ERCC6: variants seen among roughly 807,000 people sequenced by gnomAD.
ERCC6 encodes the protein ERCC excision repair 6, chromatin remodeling factor.
ERCC6 carries 116 observed loss-of-function variants against 158.7 expected under a neutral mutation model. That is an observed-to-expected ratio of 0.73 (90% CI 0.63 to 0.85). The LOEUF is 0.85. Ranked by LOEUF, ERCC6 falls within the 40% of genes least tolerant of loss-of-function variation. The probability of loss-of-function intolerance (pLI) is 0.00; values close to 1 mark genes in which losing one functional copy is unlikely to be tolerated. For synonymous variants in ERCC6, 678 were observed against 659.3 expected (o/e 1.03, Z -0.43); for missense variants, 1,698 against 1,799.4 (o/e 0.94, Z 1.02).
intron 1 of ERCC6, among the ~76,000 whole-genome samples, chr10:49,534,165 A>AAAAAAG (rs1321344953): frequency 7.2e-6 from 1 of 139,162 alleles, no homozygotes; most frequent in African/African-American, 2.6e-5. Flanking sequence ...CAAAAAAAAA[A>AAAAAAG]CTCCATTTTA....
Position 49,459,033 on chromosome 10 carries a change from T to C in ERCC6, c.4264A>G (p.Thr1422Ala), listed in dbSNP as rs1196481462. The C allele has an allele frequency of 1.9e-6, 3 of 1,614,084 alleles. No individual in the cohort carries two copies. Among genetic ancestry groups the C allele is most frequent in the East Asian group, 2.2e-5 (1 of 44,888 alleles). ...LQEASALLPT[T>A]EHDDLLVEMR... ...TCCACCAGAAGGTCATCGTGTTCTGTGGTGGGCAGCAGGGCAGAAGCTTCC... is the reference window on the plus strand; with the variant it reads ...TCCACCAGAAGGTCATCGTGTTCTGCGGTGGGCAGCAGGGCAGAAGCTTCC... The change falls in exon 21 of 21, where the codon ACA becomes GCA. Residue 1422 changes from threonine to alanine, a missense_variant. Thr to Ala is a moderately conservative substitution (Grantham distance 58). Transcript: ENST00000355832.
chr10:49,464,124 G>A (rs1380573519), intron 18 of ERCC6, among the ~76,000 whole-genome samples: 2 of 152,202 alleles, frequency 1.3e-5, no homozygotes, highest in African/African-American at 4.8e-5. Flanking sequence ...GAATAGCTTT[G>A]ACAAAAATGT....
chr10:49,465,112 T>C (rs1181905330), intron 18 of ERCC6, among the ~76,000 whole-genome samples: 2 of 152,184 alleles, frequency 1.3e-5, no homozygotes. Flanking sequence ...AGGGGGGCTA[T>C]ACCCTGCAAA....
At chr10:49,499,637 T>C (rs1851323617) in intron 7 of ERCC6, among the ~76,000 whole-genome samples, 1 of 152,198 alleles carries the variant, frequency 6.6e-6, no homozygotes, top group Non-Finnish European at 1.5e-5. Flanking sequence ...CTTATCTGGG[T>C]TCAGTATGAT....
At chr10:49,487,726 ATGCT>A (rs2132557673) in intron 8 of ERCC6, among the ~76,000 whole-genome samples, 1 of 152,326 alleles carries the variant, frequency 6.6e-6, no homozygotes, top group Admixed American at 6.5e-5. Context: ...TTAGTTTCTT[ATGCT>A]TGCTTAAGGA....
chr10:49,533,358 T>C (rs4253010), intron 1 of ERCC6, among the ~76,000 whole-genome samples: 2,246 of 152,280 alleles, frequency 0.015, 49 homozygotes, highest in African/African-American at 0.05. Context: ...ATTTATAATA[T>C]AGTGGCAAGA....
intron 10 of ERCC6, 128 bp from the exon 11 acceptor site, chr10:49,478,598 G>C: frequency 1.4e-6 from 1 of 727,916 alleles, no homozygotes; most frequent in South Asian, 1.5e-5. Flanking sequence ...AAGTCAGTGG[G>C]AAATGATTGC....
At chr10:49,516,721 G>C in intron 5 of ERCC6, 1 of 1,614,116 alleles carries the variant, frequency 6.2e-7, no homozygotes, top group Non-Finnish European at 8.5e-7. Flanking sequence ...AAATCGTTTG[G>C]TGGTGCTGTA....
At chr10:49,513,604 G>A (rs1836863401) in intron 5 of ERCC6, among the ~76,000 whole-genome samples, 1 of 152,180 alleles carries the variant, frequency 6.6e-6, no homozygotes, top group African/African-American at 2.4e-5. Flanking sequence ...ATGGTGGAAG[G>A]TGAAGGGCAC....
At chr10:49,462,154 G>A (rs1054731337) in intron 18 of ERCC6, among the ~76,000 whole-genome samples, 1 of 152,182 alleles carries the variant, frequency 6.6e-6, no homozygotes. Flanking sequence ...AATTACAACA[G>A]TTTGGTGCTG....
At chr10:49,495,004 T>C (rs548639328) in intron 7 of ERCC6, among the ~76,000 whole-genome samples, 38 of 152,330 alleles carry the variant, frequency 2.5e-4, no homozygotes, top group African/African-American at 8.7e-4. Flanking sequence ...TGCAGTCAAA[T>C]ATCCTGATAC....
In ERCC6 at chr10:49,456,884, C is replaced by T. The variant is rs1023099531; in HGVS notation, c.*1931G>A. 21 of 152,046 alleles carry T rather than the reference C, an allele frequency of 1.4e-4. No individual in the cohort carries two copies. Among genetic ancestry groups the T allele is most frequent in the African/African-American group, 5.1e-4 (21 of 41,382 alleles). 9.4% of individuals were successfully genotyped at this position (152,046 alleles called of 1,614,324 possible). A position where few individuals can be genotyped will look rare whatever the true frequency, so the allele number is the denominator to read the frequency against. ...ATCTCCACACTGAGACACCACCTTC[C>T]CAAGATCATGGTACATCAGCAGCAG... On this transcript the variant is annotated 3_prime_UTR_variant, in exon 21 of 21. Transcript: ENST00000355832.
intron 5 of ERCC6, among the ~76,000 whole-genome samples, chr10:49,514,377 C>T (rs1323634769): frequency 6.6e-6 from 1 of 152,128 alleles, no homozygotes; most frequent in Admixed American, 6.6e-5. Flanking sequence ...ACACAACTGC[C>T]CATACCAACA....
intron 5 of ERCC6, among the ~76,000 whole-genome samples, chr10:49,511,574 G>A (rs566488231): frequency 1.8e-4 from 28 of 152,132 alleles, no homozygotes; most frequent in Admixed American, 9.2e-4. Context: ...ACAGGCATGC[G>A]CCACCATGTC....
downstream of ERCC6, among the ~76,000 whole-genome samples, chr10:49,452,481 T>C (rs1045349469): frequency 1.3e-5 from 2 of 152,146 alleles, no homozygotes; most frequent in Non-Finnish European, 2.9e-5. Context: ...TTTAAACGTA[T>C]TGAAGTTTCA....
At position 49,458,412 on chromosome 10, in the gene ERCC6, C is replaced by A; in HGVS notation, c.*403G>T. 5.3e-6 allele frequency: 1 copy of A among 187,162 alleles called. No individual in the cohort carries two copies. Among genetic ancestry groups the A allele is most frequent in the South Asian group, 1.1e-4 (1 of 9,374 alleles). The allele number at this position is 187,162 out of a possible 1,614,324, so 11.6% of individuals were successfully genotyped here. A position where few individuals can be genotyped will look rare whatever the true frequency, so the allele number is the denominator to read the frequency against. On this transcript the variant is annotated 3_prime_UTR_variant, in exon 21 of 21. Transcript: ENST00000355832. ...ATCAGATATTGATGAACTTATTGAA[C>A]AGGTCTGACTGAATGTAAGACCTGT...
rs1590405480 is a variant in ERCC6 at position 49,470,390 on chromosome 10, C to T, written c.3570G>A (p.Val1190=). The change falls in exon 18 of 21, where the codon GTG becomes GTA. Residue 1190 remains valine, a synonymous_variant. Coordinates refer to ENST00000355832, the MANE Select transcript of ERCC6 (RefSeq NM_000124.4). The stretch of plus-strand genomic sequence containing the variant: ...GTTTCTCCAGGGTCTCTTCTTCTGC[C>T]ACACTATGATGTTTTGTTTTTGACT... ...KHKSKTKHHS[V]AEEETLEKHL... The T allele has an allele frequency of 1.2e-6, 2 of 1,614,146 alleles. No individual in the cohort carries two copies. The highest frequency in any genetic ancestry group is 1.7e-6 in the Non-Finnish European group (2 of 1,180,028).
chr10:49,515,686 T>C, intron 5 of ERCC6: 3 of 1,614,156 alleles, frequency 1.9e-6, no homozygotes, highest in African/African-American at 1.3e-5. Flanking sequence ...TTTCCACGGA[T>C]TGATGCCCGA....
intron 19 of ERCC6, among the ~76,000 whole-genome samples, chr10:49,460,791 G>A (rs1339807316): frequency 1.3e-5 from 2 of 151,988 alleles, no homozygotes; most frequent in African/African-American, 4.8e-5. Context: ...CATGGTGGCG[G>A]GAGCCTGTAA....
Sources: gnomAD v4.1 joint callset for allele counts (sites outside exome capture counted in the v4.1 genomes callset) on GRCh38, gnomAD v4.1.1 for gene constraint, MANE v1.5 for transcripts, NCBI Gene and HGNC (gene_info 2026-07-23, HGNC 2026-07-21) for gene names.